Variants in TENM4 observed in about 807,000 individuals in gnomAD.
TENM4 encodes the protein teneurin transmembrane protein 4.
TENM4 carries 82 observed loss-of-function variants against 243.3 expected under a neutral mutation model. That is an observed-to-expected ratio of 0.34 (90% confidence interval 0.28 to 0.40). The LOEUF (loss-of-function observed/expected upper bound fraction) is 0.40, where lower values mean the gene tolerates loss of function less well. Among genes scored for constraint, TENM4 ranks in the 10% least tolerant of loss-of-function variants. TENM4 has a pLI of 1.00. For synonymous variants in TENM4, 1,412 were observed against 1,456.3 expected (o/e 0.97, Z 0.69); for missense variants, 3,138 against 3,673.3 (o/e 0.85, Z 3.77).
intron 1 of TENM4, among the ~76,000 whole-genome samples, chr11:79,313,419 T>A (rs530167638): frequency 2.6e-5 from 4 of 152,214 alleles, no homozygotes; most frequent in African/African-American, 4.8e-5. Flanking sequence ...TCCAAAAGGA[T>A]AAGCCTTTGC....
chr11:79,003,297 G>C (rs1041766204), intron 6 of TENM4, among the ~76,000 whole-genome samples: 5 of 151,678 alleles, frequency 3.3e-5, no homozygotes, highest in Admixed American at 6.6e-5. Flanking sequence ...AGAAAATGTA[G>C]ACAACCCTTG....
At chr11:78,819,458 C>T (rs897247676) in intron 12 of TENM4, among the ~76,000 whole-genome samples, 1 of 152,296 alleles carries the variant, frequency 6.6e-6, no homozygotes, top group South Asian at 2.1e-4. Context: ...ACTACCTGGA[C>T]AGCCCAATTG....
intron 6 of TENM4, among the ~76,000 whole-genome samples, chr11:79,018,221 T>A (rs1351460418): frequency 6.6e-6 from 1 of 152,168 alleles, no homozygotes; most frequent in Non-Finnish European, 1.5e-5. Context: ...ATGATACTGG[T>A]TTGTGCCTGT....
intron 6 of TENM4, among the ~76,000 whole-genome samples, chr11:78,972,701 C>T (rs1591174310): frequency 6.6e-6 from 1 of 152,250 alleles, no homozygotes; most frequent in South Asian, 2.1e-4. Context: ...ACCATACAGG[C>T]CACTCAACTA....
At position 78,764,044 on chromosome 11, in the gene TENM4, C is replaced by A. The variant is rs961042525; in HGVS notation, c.2539+6948G>T. Reference sequence around the variant, plus strand: ...CCCTCATTTCCCTTTCTTGTGTCTGCGTCCTTATCAGGGAGGCCAAGAGTA... The same window carrying A: ...CCCTCATTTCCCTTTCTTGTGTCTGAGTCCTTATCAGGGAGGCCAAGAGTA... On this transcript the variant is annotated intron_variant, in intron 18 of 33. Coordinates refer to ENST00000278550, the MANE Select transcript of TENM4 (RefSeq NM_001098816.3). 6.8e-5 allele frequency among the ~76,000 whole-genome samples: 10 copies of A among 147,430 alleles called. No individual in the cohort carries two copies. The South Asian group carries it at 1.1e-3, about 16-fold the overall frequency.
intron 6 of TENM4, among the ~76,000 whole-genome samples, chr11:78,992,188 G>A (rs1287404473): frequency 6.6e-6 from 1 of 152,342 alleles, no homozygotes; most frequent in Admixed American, 6.5e-5. Context: ...AGAACGAGCA[G>A]CTTCTAAGAG....
At chr11:78,918,801 A>T (rs1029996574) in intron 6 of TENM4, among the ~76,000 whole-genome samples, 6 of 152,200 alleles carry the variant, frequency 3.9e-5, no homozygotes, top group African/African-American at 1.4e-4. Flanking sequence ...CGAGAAATAA[A>T]CTTTTACCTG....
Position 79,139,094 on chromosome 11 carries a change from ATATATAAAATATATATTATATTT to A in TENM4, c.-66+9593_-66+9615del, listed in dbSNP as rs1213745322. 8.3e-4 allele frequency among the ~76,000 whole-genome samples: 32 copies of A among 38,688 alleles called. 3 individuals are homozygous for A. The highest frequency in any genetic ancestry group is 5.3e-3 in the African/African-American group (32 of 5,988). 25.4% of individuals were successfully genotyped at this position (38,688 alleles called of 152,430 possible). On this transcript the variant is annotated intron_variant, in intron 4 of 33. Transcript: ENST00000278550. ...ATAAATATATATTATATTTCTATAA[ATATATAAAATATATATTATATTT>A]CTATAAATATATATTATATTTCTAT...
chr11:79,225,948 C>G (rs1864255956), intron 2 of TENM4, among the ~76,000 whole-genome samples: 1 of 152,164 alleles, frequency 6.6e-6, no homozygotes, highest in Non-Finnish European at 1.5e-5. Context: ...ATGGACTAGA[C>G]CGGTAGCTGA....
chr11:79,100,787 C>T (rs1861210371), intron 4 of TENM4, among the ~76,000 whole-genome samples: 1 of 152,196 alleles, frequency 6.6e-6, no homozygotes, highest in African/African-American at 2.4e-5. Context: ...GCCCCTCCCT[C>T]TCTCCTCCCA....
chr11:78,996,615 C>T (rs1366688392), intron 6 of TENM4, among the ~76,000 whole-genome samples: 2 of 152,136 alleles, frequency 1.3e-5, no homozygotes, highest in Non-Finnish European at 2.9e-5. Context: ...GCTCTCCTGC[C>T]TGGGCCCAGG....
At chr11:78,866,458 TAAAAA>T (rs5792824) in intron 9 of TENM4, among the ~76,000 whole-genome samples, 3 of 130,634 alleles carry the variant, frequency 2.3e-5, no homozygotes, top group East Asian at 4.4e-4. Context: ...AGTCCTTGCT[TAAAAA>T]AAAAAAAAAA....
intron 6 of TENM4, among the ~76,000 whole-genome samples, chr11:78,933,398 T>C (rs1183879804): frequency 6.6e-6 from 1 of 152,174 alleles, no homozygotes; most frequent in Non-Finnish European, 1.5e-5. Context: ...CAACATATTA[T>C]TATTAGTCTT....
At chr11:78,922,350 T>A (rs893134528) in intron 6 of TENM4, among the ~76,000 whole-genome samples, 1 of 152,244 alleles carries the variant, frequency 6.6e-6, no homozygotes, top group Non-Finnish European at 1.5e-5. Flanking sequence ...GTCTTTATGA[T>A]GACAATTCTC....
chr11:78,924,137 G>A (rs1275619910), intron 6 of TENM4, among the ~76,000 whole-genome samples: 1 of 152,200 alleles, frequency 6.6e-6, no homozygotes, highest in Non-Finnish European at 1.5e-5. Flanking sequence ...TTACAGGCGT[G>A]AGCCACCATA....
At chr11:79,296,882 T>C (rs888705197) in intron 2 of TENM4, among the ~76,000 whole-genome samples, 2 of 152,144 alleles carry the variant, frequency 1.3e-5, no homozygotes, top group East Asian at 3.8e-4. Flanking sequence ...AATGGGAAAA[T>C]GGAGGAACTC....
chr11:79,320,222 T>A (rs147275996), intron 1 of TENM4, among the ~76,000 whole-genome samples: 2,219 of 152,280 alleles, frequency 0.015, 58 homozygotes, highest in African/African-American at 0.05. Flanking sequence ...GGTCACCCAC[T>A]TAACCAAGAT....
chr11:79,189,323 C>T (rs1216131482), intron 3 of TENM4, among the ~76,000 whole-genome samples: 1 of 152,176 alleles, frequency 6.6e-6, no homozygotes, highest in African/African-American at 2.4e-5. Flanking sequence ...AGGCAGTTAG[C>T]CACCATCTCT....
Position 78,658,660 on chromosome 11 carries a change from C to A in TENM4, c.7708G>T (p.Val2570Phe). 2 of 1,614,012 alleles carry A rather than the reference C, an allele frequency of 1.2e-6. No homozygotes were observed. Among genetic ancestry groups the A allele is most frequent in the Middle Eastern group, 1.6e-4 (1 of 6,062 alleles). The change falls in exon 34 of 34, where the codon GTC (valine) becomes TTC (phenylalanine). Residue 2570 changes from valine (V) to phenylalanine (F), a missense_variant. By Grantham distance (50) the Val-to-Phe change is conservative (BLOSUM62 -1). This residue lies in a region of TENM4 where 2,467 missense variants were observed against 3,059.1 expected (regional missense o/e 0.81). Coordinates refer to ENST00000278550, the MANE Select transcript of TENM4 (RefSeq NM_001098816.3). The stretch of plus-strand genomic sequence containing the variant: ...CGGCCATCCTTCAAGGCAAACTTGA[C>A]CCCCTTGCCAAAGACTGAGCCGCTG... ...ASSGSVFGKG[V>F]KFALKDGRVT...
Sources: gnomAD v4.1 joint callset for allele counts (sites outside exome capture counted in the v4.1 genomes callset) on GRCh38, gnomAD v4.1.1 for gene constraint, gnomAD v4.1.1 regional missense constraint, MANE v1.5 for transcripts, NCBI Gene and HGNC (gene_info 2026-07-23, HGNC 2026-07-21) for gene names.